The following RAB2A variants were observed in gnomAD, a reference collection of about 807,000 sequenced individuals.
The protein encoded by RAB2A is ras-related protein Rab-2A.
Under a neutral mutation model 32.5 loss-of-function variants are expected in RAB2A, and 7 were observed. That is an observed-to-expected ratio of 0.22 (90% CI 0.12 to 0.40). The LOEUF is 0.40. Ranked by LOEUF, RAB2A falls within the 10% of genes least tolerant of loss-of-function variation. The pLI is 1.00. For missense variants in RAB2A, 108 were observed against 260.7 expected (o/e 0.41, Z 4.03); for synonymous variants, 79 against 85.2 (o/e 0.93, Z 0.40).
chr8:60,593,120 G>A (rs575381717), intron 6 of RAB2A, among the ~76,000 whole-genome samples: 12 of 152,240 alleles, frequency 7.9e-5, no homozygotes, highest in African/African-American at 1.2e-4. Context: ...TATTTTCACC[G>A]AAGAATTCTT....
chr8:60,601,483 A>C (rs970928411), intron 6 of RAB2A, among the ~76,000 whole-genome samples: 1 of 152,146 alleles, frequency 6.6e-6, no homozygotes, highest in Non-Finnish European at 1.5e-5. Flanking sequence ...GACTACAGGC[A>C]TGTGCCACCA....
chr8:60,530,253 G>A (rs1031147244), intron 1 of RAB2A, among the ~76,000 whole-genome samples: 7 of 150,470 alleles, frequency 4.7e-5, no homozygotes, highest in African/African-American at 1.5e-4. Flanking sequence ...GTTTCAAGCC[G>A]TTCTGCCTCA....
intron 6 of RAB2A, among the ~76,000 whole-genome samples, chr8:60,604,525 C>T (rs1214824928): frequency 6.6e-6 from 1 of 152,080 alleles, no homozygotes; most frequent in Non-Finnish European, 1.5e-5. Flanking sequence ...GACCAAAATG[C>T]TGATAATGAT....
chr8:60,571,466 G>A (rs895942497), intron 2 of RAB2A, among the ~76,000 whole-genome samples: 2 of 152,116 alleles, frequency 1.3e-5, no homozygotes, highest in African/African-American at 4.8e-5. Flanking sequence ...TAAATAAAAA[G>A]CAAATTGCAG....
At chr8:60,542,331 C>T (rs529636416) in intron 1 of RAB2A, among the ~76,000 whole-genome samples, 7 of 152,068 alleles carry the variant, frequency 4.6e-5, no homozygotes, top group East Asian at 1.9e-4. Context: ...GTGGCTAACA[C>T]GGTGAAACCC....
intron 1 of RAB2A, among the ~76,000 whole-genome samples, chr8:60,519,250 C>T (rs1328031344): frequency 3.3e-5 from 5 of 152,218 alleles, no homozygotes; most frequent in Non-Finnish European, 2.9e-5. Context: ...AAGGCTACTC[C>T]TGTTTGCTCA....
chr8:60,602,946 A>C (rs559629670), intron 6 of RAB2A, among the ~76,000 whole-genome samples: 1 of 152,272 alleles, frequency 6.6e-6, no homozygotes, highest in Non-Finnish European at 1.5e-5. Context: ...CTCAGACAGG[A>C]TCTATCCTCA....
chr8:60,603,549 A>T (rs529939086), intron 6 of RAB2A, among the ~76,000 whole-genome samples: 1 of 152,338 alleles, frequency 6.6e-6, no homozygotes, highest in Admixed American at 6.5e-5. Flanking sequence ...AATGCAAAGG[A>T]TATCTCCTCA....
chr8:60,597,735 A>C (rs760996207), intron 6 of RAB2A, among the ~76,000 whole-genome samples: 4 of 152,268 alleles, frequency 2.6e-5, no homozygotes, highest in Non-Finnish European at 4.4e-5. Context: ...GTTGAAAACA[A>C]AAATCAGTGA....
intron 6 of RAB2A, among the ~76,000 whole-genome samples, chr8:60,595,996 A>T (rs1044810210): frequency 6.6e-6 from 1 of 152,242 alleles, no homozygotes; most frequent in African/African-American, 2.4e-5. Context: ...CAAGTCTTGA[A>T]TTACAAAAAA....
chr8:60,568,066 C>G (rs1808142300), intron 2 of RAB2A, among the ~76,000 whole-genome samples: 1 of 152,132 alleles, frequency 6.6e-6, no homozygotes, highest in South Asian at 2.1e-4. Flanking sequence ...AAAAATCAGG[C>G]CACCTTCCCT....
intron 2 of RAB2A, among the ~76,000 whole-genome samples, chr8:60,565,040 C>G (rs1357405347): frequency 2.0e-5 from 3 of 152,180 alleles, no homozygotes; most frequent in Non-Finnish European, 4.4e-5. Flanking sequence ...TACAAATGGA[C>G]AGTTTGACCA....
chr8:60,520,777 G>GTA (rs1176069202), intron 1 of RAB2A, among the ~76,000 whole-genome samples: 8 of 151,786 alleles, frequency 5.3e-5, no homozygotes, highest in African/African-American at 1.9e-4. Context: ...TCACTCTTAT[G>GTA]TATATACCCA....
intron 2 of RAB2A, among the ~76,000 whole-genome samples, chr8:60,563,527 T>C (rs767237256): frequency 1.2e-4 from 19 of 152,170 alleles, no homozygotes; most frequent in Non-Finnish European, 2.2e-4. Flanking sequence ...AAATACACTT[T>C]ATGTGCTTTG....
chr8:60,555,596 T>C (rs1394234009), intron 1 of RAB2A, among the ~76,000 whole-genome samples: 1 of 152,256 alleles, frequency 6.6e-6, no homozygotes, highest in Non-Finnish European at 1.5e-5. Context: ...CCATCAAGTA[T>C]ATGAAAAAAT....
At position 60,618,643 on chromosome 8, in the gene RAB2A, A is replaced by G; in HGVS notation, c.538A>G (p.Asn180Asp). The change falls in exon 7 of 8, where the codon AAT becomes GAT. Residue 180 changes from asparagine (N) to aspartate (D), a missense_variant. Transcript: ENST00000262646. ...KIQEGVFDIN[N>D]EANGIKIGPQ... ...TCAAGAAGGAGTCTTTGACATTAAT[A>G]ATGAGGTATATACATATAAATATTG... 1.8e-6 allele frequency: 2 copies of G among 1,140,092 alleles called. No individual in the cohort carries two copies. Among genetic ancestry groups the G allele is most frequent in the Non-Finnish European group, 2.4e-6 (2 of 843,462 alleles). The allele number at this position is 1,140,092 out of a possible 1,614,324, so 70.6% of individuals were successfully genotyped here. A position where few individuals can be genotyped will look rare whatever the true frequency, so the allele number is the denominator to read the frequency against.
intron 2 of RAB2A, among the ~76,000 whole-genome samples, chr8:60,561,178 C>A (rs1808019861): frequency 2.0e-5 from 3 of 152,120 alleles, no homozygotes; most frequent in African/African-American, 7.2e-5. Flanking sequence ...TGGGTTTATA[C>A]CCCATCTCTT....
chr8:60,595,738 G>T (rs771969667), intron 6 of RAB2A, among the ~76,000 whole-genome samples: 7 of 152,158 alleles, frequency 4.6e-5, no homozygotes, highest in Non-Finnish European at 8.8e-5. Flanking sequence ...GATAGACTGC[G>T]AGGAGAAATA....
chr8:60,551,628 C>CT (rs1321858276), intron 1 of RAB2A, among the ~76,000 whole-genome samples: 1 of 152,174 alleles, frequency 6.6e-6, no homozygotes, highest in Admixed American at 6.6e-5. Context: ...AATTTTTCAA[C>CT]TTTACAGTGG....
Sources: allele counts gnomAD v4.1 joint callset (sites outside exome capture counted in the v4.1 genomes callset), GRCh38; gene constraint gnomAD v4.1.1; transcripts MANE v1.5; gene names NCBI Gene and HGNC (gene_info 2026-07-23, HGNC 2026-07-21).